The following MYO3A variants were observed in gnomAD, a reference collection of about 807,000 sequenced individuals.
MYO3A encodes the protein myosin IIIA, also known as myosin-IIIa.
Under a neutral mutation model 192.7 loss-of-function variants are expected in MYO3A, and 180 were observed. The observed-to-expected ratio is 0.93, with a 90% CI of 0.83 to 1.06. The LOEUF is 1.06. Ranked by LOEUF, MYO3A falls within the 50% of genes least tolerant of loss-of-function variation. The probability of loss-of-function intolerance (pLI) is 0.00; values close to 1 mark genes in which losing one functional copy is unlikely to be tolerated. For synonymous variants in MYO3A, 628 were observed against 645.3 expected (o/e 0.97, Z 0.41); for missense variants, 1,896 against 1,905.0 (o/e 1.00, Z 0.09).
intron 17 of MYO3A, among the ~76,000 whole-genome samples, chr10:26,105,527 T>G (rs1405283176): frequency 6.6e-6 from 1 of 152,124 alleles, no homozygotes; most frequent in Admixed American, 6.5e-5. Context: ...TTATATATGT[T>G]GCCCCTTTTA....
intron 6 of MYO3A, among the ~76,000 whole-genome samples, chr10:26,007,163 CT>C (rs1841281665): frequency 6.7e-6 from 1 of 148,572 alleles, no homozygotes; most frequent in Admixed American, 6.7e-5. Context: ...CAGAAAAGGC[CT>C]TTGACAAAAT....
At chr10:26,200,950 G>C (rs1029536701) in intron 32 of MYO3A, 1 of 157,330 alleles carries the variant, frequency 6.4e-6, no homozygotes, top group South Asian at 2.0e-4. Flanking sequence ...AGAAATTTTA[G>C]TTTGCTCCCG....
At chr10:26,023,927 A>G in intron 8 of MYO3A, 95 bp from the exon 9 acceptor site, 2 of 1,077,856 alleles carry the variant, frequency 1.9e-6, no homozygotes, top group South Asian at 1.3e-5. Context: ...TACAACTGGC[A>G]GAACCTAGGA....
chr10:26,100,888 G>A (rs1837401463), intron 17 of MYO3A, among the ~76,000 whole-genome samples: 1 of 152,196 alleles, frequency 6.6e-6, no homozygotes, highest in South Asian at 2.1e-4. Flanking sequence ...TTGGGGTGGA[G>A]AGTTCTGTAG....
At chr10:26,129,541 ATC>A (rs1222438058) in intron 20 of MYO3A, among the ~76,000 whole-genome samples, 1 of 152,188 alleles carries the variant, frequency 6.6e-6, no homozygotes, top group Non-Finnish European at 1.5e-5. Flanking sequence ...CACTCTGCTT[ATC>A]TCTGTAGCAT....
Position 26,120,635 on chromosome 10 carries a change from C to T in MYO3A, c.1777-41C>T, listed in dbSNP as rs554858598. On this transcript the variant is annotated intron_variant, in intron 17 of 34. Coordinates refer to ENST00000642920, the MANE Select transcript of MYO3A (RefSeq NM_017433.5). ...GCCATAGTCACTGGTTGGCTGTACT[C>T]AAGGAAAGAATGATGCCAATGTTTC... The T allele has an allele frequency of 1.5e-5, 24 of 1,612,866 alleles. No individual in the cohort carries two copies. The African/African-American group carries it at 2.9e-4, about 20-fold the overall frequency.
At chr10:26,044,608 A>G (rs1330132774) in intron 10 of MYO3A, among the ~76,000 whole-genome samples, 1 of 152,202 alleles carries the variant, frequency 6.6e-6, no homozygotes, top group Non-Finnish European at 1.5e-5. Flanking sequence ...TGGTCTCTGT[A>G]TATAACTAAT....
intron 32 of MYO3A, among the ~76,000 whole-genome samples, chr10:26,195,997 T>C (rs1843388761): frequency 6.6e-6 from 1 of 152,184 alleles, no homozygotes. Context: ...GAAAAACAAA[T>C]AGGAGTAAAT....
Position 26,211,948 on chromosome 10 carries a change from C to G in MYO3A, c.4836C>G (p.Leu1612=), listed in dbSNP as rs772776782. The G allele has an allele frequency of 6.8e-6, 11 of 1,613,930 alleles. No homozygotes were observed. Among genetic ancestry groups the G allele is most frequent in the South Asian group, 1.1e-5 (1 of 91,004 alleles). ...LLRKTSQRRR[L]VQQS ...GCAAAACCTCCCAGCGCCGGCGCCT[C>G]GTCCAGCAGTCCTAACCGTTCAACG... The change falls in exon 35 of 35, where the codon CTC becomes CTG. Residue 1612 remains leucine, a synonymous_variant. Transcript: ENST00000642920.
rs201333030 is a variant in MYO3A at position 26,081,142 on chromosome 10, CCCCG to C, written c.1360-7057_1360-7054del. Among the ~76,000 whole-genome samples the C allele has an allele frequency of 9.1e-3, 853 of 93,706 alleles. 76 individuals carry two copies. Among genetic ancestry groups the C allele is most frequent in the Non-Finnish European group, 0.016 (584 of 36,220 alleles). 61.5% of individuals were successfully genotyped at this position (93,706 alleles called of 152,430 possible). Reference sequence around the variant, plus strand: ...CAAGATTATATGCCCTTCCCCCCCCCCCCGCCCCCGCTACCAGGGTGGGTAGGGA... The same window carrying C: ...CAAGATTATATGCCCTTCCCCCCCCCCCCCCGCTACCAGGGTGGGTAGGGA... On this transcript the variant is annotated intron_variant, in intron 14 of 34. Coordinates refer to ENST00000642920, the MANE Select transcript of MYO3A (RefSeq NM_017433.5).
intron 32 of MYO3A, among the ~76,000 whole-genome samples, chr10:26,198,394 A>C (rs556235167): frequency 2.0e-5 from 3 of 152,330 alleles, no homozygotes; most frequent in African/African-American, 7.2e-5. Flanking sequence ...ATCAGCAAAA[A>C]TGACTCAGGG....
In MYO3A at chr10:26,174,209, G is replaced by C. The variant is rs568869305; in HGVS notation, c.3945G>C (p.Pro1315=). 3.1e-6 allele frequency: 5 copies of C among 1,614,186 alleles called. No homozygotes were observed. Among genetic ancestry groups the C allele is most frequent in the Non-Finnish European group, 4.2e-6 (5 of 1,180,020 alleles). Reference sequence around the variant, plus strand: ...CATCTGTAGTTACCCAGCGTGCACCGATATGCAGCCAGGAGGAAGGCAGAG... The same window carrying C: ...CATCTGTAGTTACCCAGCGTGCACCCATATGCAGCCAGGAGGAAGGCAGAG... ...KKTSVVTQRA[P]ICSQEEGRGR... is the part of the protein sequence containing the mutation. The change falls in exon 30 of 35, where the codon CCG becomes CCC. Residue 1315 remains proline (P), a synonymous_variant. Coordinates refer to ENST00000642920, the MANE Select transcript of MYO3A (RefSeq NM_017433.5).
At chr10:26,027,664 T>A (rs962255529) in intron 10 of MYO3A, among the ~76,000 whole-genome samples, 2 of 152,186 alleles carry the variant, frequency 1.3e-5, no homozygotes, top group Non-Finnish European at 2.9e-5. Context: ...AAAACATTTT[T>A]AAAACAAAAT....
rs564386231 is a variant in MYO3A at position 26,114,525 on chromosome 10, A to C, written c.1777-6151A>C. ...TAGTGAGATCTTTTTGTTCTCATAA[A>C]CTCTAACCACTCACTGAGGATGCAA... is the stretch of plus-strand genomic sequence containing the variant. On this transcript the variant is annotated intron_variant, in intron 17 of 34. Transcript: ENST00000642920. 9.8e-5 allele frequency among the ~76,000 whole-genome samples: 15 copies of C among 152,314 alleles called. No individual in the cohort carries two copies. In the South Asian group the frequency reaches 3.1e-3, roughly 32 times the overall value.
Position 26,145,467 on chromosome 10 carries a change from A to T in MYO3A, c.2438A>T (p.Lys813Ile). 1 of 1,608,354 alleles carries T rather than the reference A, an allele frequency of 6.2e-7. No individual in the cohort carries two copies. Among genetic ancestry groups the T allele is most frequent in the South Asian group, 1.1e-5 (1 of 90,962 alleles). Reference sequence around the variant, plus strand: ...ACAGAAAAATTTGAAGGTAACCTGAAATCACAATACTTCTGGAGACCCAAA... The same window carrying T: ...ACAGAAAAATTTGAAGGTAACCTGATATCACAATACTTCTGGAGACCCAAA... ...TLVEKFEGNL[K>I]SQYFWRPKRM... is the part of the protein sequence containing the mutation. Residue 813 changes from lysine (K) to isoleucine (I), a missense_variant, in exon 22 of 35, where the codon AAA becomes ATA. By Grantham distance (102) the Lys-to-Ile change is moderately radical (BLOSUM62 -3). Transcript: ENST00000642920.
Position 25,944,911 on chromosome 10 carries a change from T to A in MYO3A, c.-17-7183T>A, listed in dbSNP as rs567400785. 3.3e-5 allele frequency among the ~76,000 whole-genome samples: 5 copies of A among 152,184 alleles called. No homozygotes were observed. In the South Asian group the frequency reaches 1.0e-3, roughly 32 times the overall value. On this transcript the variant is annotated intron_variant, in intron 2 of 34. Transcript: ENST00000642920. ...TCTCTGCTGCATCTTCATTATTTCCTACTTTTTTTGTCACCTTTAGGTTCA... is the reference window on the plus strand; with the variant it reads ...TCTCTGCTGCATCTTCATTATTTCCAACTTTTTTTGTCACCTTTAGGTTCA...
At chr10:26,051,129 A>G (rs1348011037) in intron 10 of MYO3A, among the ~76,000 whole-genome samples, 1 of 152,318 alleles carries the variant, frequency 6.6e-6, no homozygotes, top group East Asian at 1.9e-4. Context: ...TTTCTTGCAT[A>G]TATTTCTAGA....
intron 6 of MYO3A, among the ~76,000 whole-genome samples, chr10:26,011,674 A>G (rs562586567): frequency 3.9e-5 from 6 of 152,318 alleles, no homozygotes; most frequent in East Asian, 1.9e-4. Flanking sequence ...ACTGAATTCT[A>G]TCAGACATTC....
At chr10:26,001,269 T>A (rs1840789994) in intron 6 of MYO3A, among the ~76,000 whole-genome samples, 1 of 149,338 alleles carries the variant, frequency 6.7e-6, no homozygotes, top group Non-Finnish European at 1.5e-5. Context: ...GATCAGATAG[T>A]GGAAAGACTC....
Sources: gnomAD v4.1 joint callset for allele counts (sites outside exome capture counted in the v4.1 genomes callset) on GRCh38, gnomAD v4.1.1 for gene constraint, MANE v1.5 for transcripts, NCBI Gene and HGNC (gene_info 2026-07-23, HGNC 2026-07-21) for gene names.